GDF6: variants seen among roughly 807,000 people sequenced by gnomAD.
GDF6 encodes the protein growth differentiation factor 6.
Under a neutral mutation model 32.4 loss-of-function variants are expected in GDF6, and 3 were observed. That is an observed-to-expected ratio of 0.09 (90% CI 0.04 to 0.24). GDF6 has a LOEUF of 0.24. Among genes scored for constraint, GDF6 ranks in the 10% least tolerant of loss-of-function variants. The probability of loss-of-function intolerance (pLI) is 1.00; values close to 1 mark genes in which losing one functional copy is unlikely to be tolerated. For missense variants in GDF6, 589 were observed against 637.9 expected (o/e 0.92, Z 0.83); for synonymous variants, 296 against 295.3 (o/e 1.00, Z -0.03).
chr8:96,157,953 C>G (rs972796325), intron 1 of GDF6, among the ~76,000 whole-genome samples: 1 of 152,184 alleles, frequency 6.6e-6, no homozygotes, highest in African/African-American at 2.4e-5. Context: ...CAACGCACCC[C>G]CTCCTCTGCG....
Position 96,160,675 on chromosome 8 carries a change from G to A in GDF6, c.18C>T (p.Val6=), listed in dbSNP as rs745979763. 2.1e-5 allele frequency: 34 copies of A among 1,613,546 alleles called. No individual in the cohort carries two copies. Among genetic ancestry groups the A allele is most frequent in the Non-Finnish European group, 2.7e-5 (32 of 1,179,594 alleles). ...TGATGAGGAAGACGGCCGAGAGCAG[G>A]ACCCTGGGAGTATCCATGGCGGGCA... MDTPR[V]LLSAVFLISF... The change falls in exon 1 of 2, where the codon GTC becomes GTT. Residue 6 remains valine, a synonymous_variant. Transcript: ENST00000287020.
rs121909353 is a variant in GDF6, at chr8:96,144,660, T to C, written c.1271A>G (p.Lys424Arg). ...GTATAGAATGCTGATGGGAGTCAAT[T>C]TGGTGGGCACGCAGCAGCTGGGCGG... ...STPPSCCVPT[K>R]LTPISILYID... Residue 424 changes from lysine to arginine, a missense_variant, in exon 2 of 2, where the codon AAA becomes AGA. Transcript: ENST00000287020. The surrounding 1 kb of genome is among the most constrained non-coding windows in gnomAD (Gnocchi z 5.1). 112 of 1,614,066 alleles carry C rather than the reference T, an allele frequency of 6.9e-5. No individual in the cohort carries two copies. In the East Asian group the frequency reaches 2.4e-3, roughly 34 times the overall value.
intron 1 of GDF6, among the ~76,000 whole-genome samples, chr8:96,159,127 G>T (rs1231765699): frequency 1.3e-5 from 2 of 152,224 alleles, no homozygotes; most frequent in East Asian, 3.8e-4. Flanking sequence ...TTAACTGGGA[G>T]CAGGTCAAAG....
rs1812390559 is a variant in GDF6, at chr8:96,142,558, CTGAT to C, written c.*2001_*2004del. 6.6e-6 allele frequency: 1 copy of C among 152,496 alleles called. No individual in the cohort carries two copies. The highest frequency in any genetic ancestry group is 2.1e-4 in the South Asian group (1 of 4,820). 9.4% of individuals were successfully genotyped at this position (152,496 alleles called of 1,614,324 possible). Reference sequence around the variant, plus strand: ...GTAACATTATGAAAAAATGAAATATCTGATTAATGCTTAACTTTGTACAACTCGA... The same window carrying C: ...GTAACATTATGAAAAAATGAAATATCTAATGCTTAACTTTGTACAACTCGA... On this transcript the variant is annotated 3_prime_UTR_variant, in exon 2 of 2. Coordinates refer to ENST00000287020, the MANE Select transcript of GDF6 (RefSeq NM_001001557.4).
intron 1 of GDF6, among the ~76,000 whole-genome samples, chr8:96,153,424 A>G (rs1394591260): frequency 6.6e-6 from 1 of 152,192 alleles, no homozygotes; most frequent in East Asian, 1.9e-4. Context: ...AAGCTCTCGT[A>G]CTGTTCCCGC....
Position 96,160,725 on chromosome 8 carries a change from G to C in GDF6, c.-33C>G. 5 of 1,609,374 alleles carry C rather than the reference G, an allele frequency of 3.1e-6. No individual in the cohort carries two copies. Among genetic ancestry groups the C allele is most frequent in the Non-Finnish European group, 4.2e-6 (5 of 1,177,254 alleles). ...AAGTGGCTGCGTCTCCCCAGGAGGC[G>C]GTGGCGGCGGCGCAGGACGCGCGGG... On this transcript the variant is annotated 5_prime_UTR_variant, in exon 1 of 2. Transcript: ENST00000287020.
chr8:96,147,749 C>T (rs1812508140), intron 1 of GDF6, among the ~76,000 whole-genome samples: 1 of 152,168 alleles, frequency 6.6e-6, no homozygotes. Context: ...CCACTGTAGT[C>T]CAGGTACTGG....
intron 1 of GDF6, among the ~76,000 whole-genome samples, chr8:96,156,841 G>T (rs1461087485): frequency 6.6e-6 from 1 of 152,166 alleles, no homozygotes; most frequent in Non-Finnish European, 1.5e-5. Context: ...TAGACTGGGG[G>T]AAAATCTTTC....
intron 1 of GDF6, among the ~76,000 whole-genome samples, chr8:96,158,309 G>A (rs1279392876): frequency 6.6e-6 from 1 of 152,202 alleles, no homozygotes; most frequent in African/African-American, 2.4e-5. Flanking sequence ...ACAGCGCAGT[G>A]GCGGGGATGG....
chr8:96,144,309 T>A lies in GDF6; in HGVS notation c.*254A>T. On this transcript the variant is annotated 3_prime_UTR_variant, in exon 2 of 2. Transcript: ENST00000287020. The surrounding 1 kb of genome is among the most constrained non-coding windows in gnomAD (Gnocchi z 5.1). ...GAGAGAGAAAACAGAACAAAAGAAA[T>A]CCTCCTTGGCTTGTTTTTCCAGGGT... 1.1e-5 allele frequency: 4 copies of A among 379,934 alleles called. No individual in the cohort carries two copies. Among genetic ancestry groups the A allele is most frequent in the Non-Finnish European group, 1.4e-5 (3 of 208,774 alleles). 23.5% of individuals were successfully genotyped at this position (379,934 alleles called of 1,614,324 possible). A position where few individuals can be genotyped will look rare whatever the true frequency, so the allele number is the denominator to read the frequency against.
intron 1 of GDF6, among the ~76,000 whole-genome samples, chr8:96,149,748 G>A (rs1812536604): frequency 6.6e-6 from 1 of 152,216 alleles, no homozygotes; most frequent in Admixed American, 6.5e-5. Context: ...AACTGGCCTA[G>A]AAAGGAAAAG....
intron 1 of GDF6, among the ~76,000 whole-genome samples, chr8:96,149,303 C>T (rs2130216077): frequency 6.6e-6 from 1 of 152,274 alleles, no homozygotes; most frequent in East Asian, 1.9e-4. Flanking sequence ...TTTTATTTCC[C>T]TTTTACTTTG....
intron 1 of GDF6, among the ~76,000 whole-genome samples, chr8:96,146,705 C>CAGAGAGAG (rs555323322): frequency 5.1e-5 from 7 of 138,460 alleles, no homozygotes; most frequent in African/African-American, 1.5e-4. Context: ...CACACACACA[C>CAGAGAGAG]ACAGAGAGAG....
chr8:96,149,127 T>C (rs1366771363), intron 1 of GDF6, among the ~76,000 whole-genome samples: 1 of 152,186 alleles, frequency 6.6e-6, no homozygotes, highest in Non-Finnish European at 1.5e-5. Flanking sequence ...TTAAGTCTTG[T>C]ATAAATGAAG....
rs1426385978 is a variant in GDF6 at position 96,145,091 on chromosome 8, T to C, written c.840A>G (p.Val280=). Residue 280 remains valine, a synonymous_variant, in exon 2 of 2, where the codon GTA becomes GTG. Coordinates refer to ENST00000287020, the MANE Select transcript of GDF6 (RefSeq NM_001001557.4). The surrounding 1 kb of genome is among the most constrained non-coding windows in gnomAD (Gnocchi z 5.6). The part of the protein sequence containing the change: ...RPPQERALLV[V]FTRSQRKNLF... ...GGTTCTTGCGCTGGGATCTGGTGAATACCACCAGCAGGGCCCGCTCCTGGG... is the reference window on the plus strand; with the variant it reads ...GGTTCTTGCGCTGGGATCTGGTGAACACCACCAGCAGGGCCCGCTCCTGGG... 2.6e-6 allele frequency: 4 copies of C among 1,520,166 alleles called. No homozygotes were observed. The highest frequency in any genetic ancestry group is 5.2e-5 in the East Asian group (2 of 38,386). 94.2% of individuals were successfully genotyped at this position (1,520,166 alleles called of 1,614,324 possible).
chr8:96,159,703 G>A (rs1812726882), intron 1 of GDF6, among the ~76,000 whole-genome samples: 1 of 152,224 alleles, frequency 6.6e-6, no homozygotes, highest in African/African-American at 2.4e-5. Flanking sequence ...AGGGCGCAGG[G>A]CTCCAGCCCG....
chr8:96,149,130 A>G (rs975999824), intron 1 of GDF6, among the ~76,000 whole-genome samples: 4 of 152,312 alleles, frequency 2.6e-5, no homozygotes, highest in African/African-American at 9.6e-5. Context: ...AGTCTTGTAT[A>G]AATGAAGACT....
At chr8:96,151,053 G>C (rs980063116) in intron 1 of GDF6, among the ~76,000 whole-genome samples, 3 of 152,200 alleles carry the variant, frequency 2.0e-5, no homozygotes, top group Admixed American at 2.0e-4. Flanking sequence ...AGGGGAATCT[G>C]TGTGCCAACT....
intron 1 of GDF6, among the ~76,000 whole-genome samples, chr8:96,150,545 G>T (rs781215082): frequency 1.3e-5 from 2 of 152,230 alleles, no homozygotes; most frequent in Non-Finnish European, 2.9e-5. Flanking sequence ...CACAGCGAAC[G>T]TCTAAGGTCA....
Sources: gnomAD v4.1 joint callset for allele counts (sites outside exome capture counted in the v4.1 genomes callset) on GRCh38, gnomAD v4.1.1 for gene constraint, Gnocchi (gnomAD v3.1) non-coding constraint, MANE v1.5 for transcripts, NCBI Gene and HGNC (gene_info 2026-07-23, HGNC 2026-07-21) for gene names.